The following FABP6 variants were observed in gnomAD, a reference collection of about 807,000 sequenced individuals.
FABP6 encodes the protein fatty acid binding protein 6.
In FABP6, 13 loss-of-function variants were observed where a neutral mutation model predicts 14.9. The observed-to-expected ratio is 0.87, with a 90% confidence interval of 0.57 to 1.39. The LOEUF is 1.39. Ranked by LOEUF, FABP6 falls within the 40% of genes most tolerant of loss-of-function variation. FABP6 has a pLI of 0.00. For missense variants in FABP6, 161 were observed against 167.2 expected (o/e 0.96, Z 0.20); for synonymous variants, 75 against 63.6 (o/e 1.18, Z -0.85).
At chr5:160,206,358 G>A (rs540959996) in intron 2 of FABP6, among the ~76,000 whole-genome samples, 45 of 152,200 alleles carry the variant, frequency 3.0e-4, no homozygotes, top group African/African-American at 1.0e-3. Context: ...AACCCGGGAG[G>A]CAGAGGCTGG....
At chr5:160,194,532 C>A (rs1319765294) in intron 1 of FABP6, among the ~76,000 whole-genome samples, 2 of 152,012 alleles carry the variant, frequency 1.3e-5, no homozygotes, top group Non-Finnish European at 1.5e-5. Flanking sequence ...TGGAGCAAGA[C>A]CCGGTCTCAA....
chr5:160,227,541 AAAG>A (rs1307075199), upstream of FABP6, among the ~76,000 whole-genome samples: 173 of 150,606 alleles, frequency 1.1e-3, 2 homozygotes, highest in Middle Eastern at 6.9e-3. Context: ...AAAAAAAAAA[AAAG>A]GCATGGTGGC....
intron 2 of FABP6, among the ~76,000 whole-genome samples, chr5:160,233,879 GA>G (rs59415943): frequency 0.6 from 86,718 of 145,264 alleles, 25,467 homozygotes; most frequent in Admixed American, 0.7. Flanking sequence ...CTCAAAAAAA[GA>G]AAAAAAAAAA....
intron 2 of FABP6, among the ~76,000 whole-genome samples, chr5:160,201,538 T>A (rs567412431): frequency 1.3e-5 from 2 of 152,290 alleles, no homozygotes; most frequent in African/African-American, 2.4e-5. Flanking sequence ...AAACGTTTTT[T>A]AAATAGGAAT....
upstream of FABP6, chr5:160,228,627 A>C: frequency 2.3e-6 from 1 of 439,232 alleles, no homozygotes; most frequent in Non-Finnish European, 4.6e-6. Context: ...AATAAAACTC[A>C]TCCAGCATCC....
At chr5:160,223,595 C>T (rs1360192783) in intron 3 of FABP6, among the ~76,000 whole-genome samples, 1 of 151,346 alleles carries the variant, frequency 6.6e-6, no homozygotes, top group Admixed American at 6.6e-5. Flanking sequence ...CTAATTTAAA[C>T]ATTTTTTTAT....
chr5:160,211,522 G>A (rs1249975090), intron 2 of FABP6, among the ~76,000 whole-genome samples: 3 of 152,186 alleles, frequency 2.0e-5, no homozygotes, highest in African/African-American at 7.2e-5. Context: ...GAGGTTAAGT[G>A]ACTTGTCCAA....
At chr5:160,194,966 A>C (rs948848690) in intron 1 of FABP6, among the ~76,000 whole-genome samples, 3 of 152,222 alleles carry the variant, frequency 2.0e-5, no homozygotes, top group Non-Finnish European at 4.4e-5. Flanking sequence ...ACACAGACAG[A>C]GTATTTCCTG....
At chr5:160,205,902 C>G (rs1220562356) in intron 2 of FABP6, among the ~76,000 whole-genome samples, 1 of 152,192 alleles carries the variant, frequency 6.6e-6, no homozygotes, top group Non-Finnish European at 1.5e-5. Context: ...CTTCCCATCT[C>G]TGGAATTCTA....
At chr5:160,199,003 G>A (rs1025061327) in intron 1 of FABP6, 2 of 1,140,216 alleles carry the variant, frequency 1.8e-6, no homozygotes, top group African/African-American at 3.0e-5. Flanking sequence ...CAATGAGATG[G>A]TCTCCAGAGC....
At chr5:160,220,017 A>G (rs1760098672) in intron 3 of FABP6, among the ~76,000 whole-genome samples, 1 of 152,178 alleles carries the variant, frequency 6.6e-6, no homozygotes, top group Non-Finnish European at 1.5e-5. Flanking sequence ...ACACTATCCC[A>G]GTACCCACCA....
upstream of FABP6, among the ~76,000 whole-genome samples, chr5:160,225,524 C>G (rs1384357916): frequency 6.6e-6 from 1 of 151,744 alleles, no homozygotes; most frequent in Non-Finnish European, 1.5e-5. Flanking sequence ...GCCTCAGCCT[C>G]CCAAGTAGCT....
rs181322111 is a variant in FABP6 at position 160,197,349 on chromosome 5, G to A, written c.-58-1700G>A. 213 of 152,350 alleles carry A rather than the reference G, an allele frequency of 1.4e-3. 1 individual carries two copies. Among genetic ancestry groups the A allele is most frequent in the African/African-American group, 4.8e-3 (198 of 41,570 alleles). 9.4% of individuals were successfully genotyped at this position (152,350 alleles called of 1,614,324 possible). Reference sequence around the variant, plus strand: ...TGCTAATAACAATGACACAGGCTGTGACAACCCCTTCAGTAGAGAGAGACC... The same window carrying A: ...TGCTAATAACAATGACACAGGCTGTAACAACCCCTTCAGTAGAGAGAGACC... On this transcript the variant is annotated intron_variant, in intron 1 of 6. Coordinates refer to the FABP6 transcript ENST00000393980.
intron 2 of FABP6, among the ~76,000 whole-genome samples, chr5:160,206,629 A>G (rs573171383): frequency 1.3e-5 from 2 of 152,284 alleles, no homozygotes; most frequent in African/African-American, 4.8e-5. Flanking sequence ...GCATTTCTAC[A>G]CAGAGCCACA....
At chr5:160,232,030 G>T in intron 1 of FABP6, 68 bp from the exon 2 acceptor site, 2 of 1,562,730 alleles carry the variant, frequency 1.3e-6, no homozygotes, top group Non-Finnish European at 1.7e-6. Context: ...GGGCAGGAAA[G>T]CTCTTTTCCC....
intron 2 of FABP6, among the ~76,000 whole-genome samples, chr5:160,232,666 G>A (rs1269983761): frequency 6.6e-6 from 1 of 152,116 alleles, no homozygotes; most frequent in Admixed American, 6.6e-5. Context: ...GGAGGCCGAG[G>A]TGGGTGGATG....
intron 1 of FABP6, 82 bp from the exon 2 acceptor site, chr5:160,232,016 G>C (rs937706218): frequency 3.3e-6 from 5 of 1,501,968 alleles, no homozygotes; most frequent in East Asian, 2.3e-5. Context: ...AGGGCGGTGG[G>C]GGTGGGCAGG....
chr5:160,235,731 G>C (rs1032972201), intron 3 of FABP6, among the ~76,000 whole-genome samples: 9 of 152,154 alleles, frequency 5.9e-5, no homozygotes, highest in African/African-American at 2.2e-4. Context: ...TGATGAGGGA[G>C]GCAGTGTTTG....
chr5:160,193,420 A>T (rs532047333), intron 1 of FABP6, among the ~76,000 whole-genome samples: 8 of 152,062 alleles, frequency 5.3e-5, no homozygotes, highest in Non-Finnish European at 8.8e-5. Context: ...AGGCTTCCAC[A>T]GTGTGGAAGG....
Sources: gnomAD v4.1 joint callset for allele counts (sites outside exome capture counted in the v4.1 genomes callset) on GRCh38, gnomAD v4.1.1 for gene constraint, MANE v1.5 for transcripts, NCBI Gene and HGNC (gene_info 2026-07-23, HGNC 2026-07-21) for gene names.